The following NRAP variants were observed in gnomAD, a reference collection of about 807,000 sequenced individuals.
NRAP encodes nebulin related anchoring protein, also known as nebulin-related-anchoring protein.
NRAP carries 189 observed loss-of-function variants against 225.9 expected under a neutral mutation model. The ratio of observed to expected loss-of-function variants is 0.84; its 90% confidence interval spans 0.74 to 0.94. NRAP has a LOEUF of 0.94. Ranked by LOEUF, NRAP falls within the 40% of genes least tolerant of loss-of-function variation. The pLI, the probability that NRAP is intolerant of heterozygous loss-of-function variation, is 0.00. For missense variants in NRAP, 2,176 were observed against 2,168.7 expected, an observed-to-expected ratio of 1.00 and a Z score of -0.07; for synonymous variants, 769 against 790.7, an observed-to-expected ratio of 0.97 and a Z score of 0.46.
intron 14 of NRAP, among the ~76,000 whole-genome samples, chr10:113,636,868 G>A (rs908650118): frequency 7.2e-5 from 11 of 152,066 alleles, no homozygotes; most frequent in African/African-American, 1.7e-4. Flanking sequence ...TTAGCCGGGC[G>A]TGGTGGCTCG....
rs750744263 is a variant in NRAP, at chr10:113,614,961, T to A, written c.3079-15A>T. The A allele has an allele frequency of 3.4e-6, 5 of 1,482,576 alleles. No homozygotes were observed. Among genetic ancestry groups the A allele is most frequent in the Non-Finnish European group, 3.8e-6 (4 of 1,059,186 alleles). The allele number at this position is 1,482,576 out of a possible 1,614,324, so 91.8% of individuals were successfully genotyped here. On this transcript the variant is annotated splice_polypyrimidine_tract_variant and intron_variant, in intron 27 of 41. Coordinates refer to ENST00000359988, the MANE Select transcript of NRAP (RefSeq NM_198060.4). The stretch of plus-strand genomic sequence containing the variant: ...TTATAACGCGTCTGTCGGGAAGATG[T>A]GCACAAGGAAAGACCTTTAAGTGAC...
At chr10:113,589,436 G>A in intron 41 of NRAP, 1 of 603,868 alleles carries the variant, frequency 1.7e-6, no homozygotes, top group Non-Finnish European at 2.9e-6. Flanking sequence ...GTTTGCCTCT[G>A]CAGAACTAAT....
intron 9 of NRAP, 40 bp from the exon 10 acceptor site, chr10:113,647,067 C>T (rs1389023643): frequency 1.6e-6 from 2 of 1,272,704 alleles, no homozygotes; most frequent in African/African-American, 2.9e-5. Flanking sequence ...TAATGCTTCC[C>T]TCCCCAGATG....
intron 9 of NRAP, among the ~76,000 whole-genome samples, chr10:113,648,773 T>C (rs574378996): frequency 2.6e-5 from 4 of 152,250 alleles, no homozygotes; most frequent in Non-Finnish European, 4.4e-5. Flanking sequence ...ATTCTTGCAT[T>C]TGTTATTTTC....
At chr10:113,650,006 G>T in intron 9 of NRAP, 31 bp downstream of exon 9, 1 of 1,249,330 alleles carries the variant, frequency 8.0e-7, no homozygotes, top group Non-Finnish European at 1.2e-6. Context: ...ACATGGAAAA[G>T]AGCAGGTCAG....
In NRAP at chr10:113,620,737, A is replaced by G. The variant is rs77143036; in HGVS notation, c.2770-29T>C. 83 of 1,448,708 alleles carry G rather than the reference A, an allele frequency of 5.7e-5. No homozygotes were observed. In the African/African-American group the frequency reaches 6.9e-4, roughly 12 times the overall value. 89.7% of individuals were successfully genotyped at this position (1,448,708 alleles called of 1,614,324 possible). ...ACAAAGGAGAAAGAAAAAAAAAAAAAGCAGGCCATTGTTGGTGCACAGACA... is the reference window on the plus strand; with the variant it reads ...ACAAAGGAGAAAGAAAAAAAAAAAAGGCAGGCCATTGTTGGTGCACAGACA... On this transcript the variant is annotated intron_variant, in intron 24 of 41. Transcript: ENST00000359988.
chr10:113,598,797 A>AT (rs1479664842), intron 35 of NRAP, among the ~76,000 whole-genome samples: 5 of 152,162 alleles, frequency 3.3e-5, no homozygotes, highest in Non-Finnish European at 5.9e-5. Context: ...ACTCATTATG[A>AT]TTTGTTTATA....
At chr10:113,615,662 C>A (rs778105670) in intron 27 of NRAP, 50 bp downstream of exon 27, 2 of 1,017,164 alleles carry the variant, frequency 2.0e-6, no homozygotes, top group Non-Finnish European at 3.1e-6. Context: ...TGCCCATGAC[C>A]AGCCCCGCTC....
intron 3 of NRAP, among the ~76,000 whole-genome samples, chr10:113,660,051 AACACACAC>A (rs142938392): frequency 8.3e-5 from 12 of 144,332 alleles, no homozygotes; most frequent in Admixed American, 1.4e-4. Flanking sequence ...CTCAGTAGAC[AACACACAC>A]ACACACACAC....
rs1358756632 is a variant in NRAP at position 113,606,193 on chromosome 10, T to C, written c.3792A>G (p.Ala1264=). Residue 1264 remains alanine (A), a synonymous_variant, in exon 33 of 42, where the codon GCA becomes GCG. Transcript: ENST00000359988. The part of the protein sequence containing the change: ...LPEFIRAKTN[A]ANLSDARYKE... Reference sequence around the variant, plus strand: ...AAGGGCTTACGTCACTCAGGTTGGCTGCATTCGTTTTTGCTCGGATGAACT... The same window carrying C: ...AAGGGCTTACGTCACTCAGGTTGGCCGCATTCGTTTTTGCTCGGATGAACT... 1 of 1,613,480 alleles carries C rather than the reference T, an allele frequency of 6.2e-7. No homozygotes were observed. The highest frequency in any genetic ancestry group is 1.3e-5 in the African/African-American group (1 of 75,048).
chr10:113,597,205 T>C (rs1180105088), intron 36 of NRAP, 21 bp from the exon 37 acceptor site: 1 of 1,493,738 alleles, frequency 6.7e-7, no homozygotes, highest in Non-Finnish European at 9.3e-7. Context: ...AAGACAAAGA[T>C]TCTCATGAAA....
At chr10:113,592,594 C>T (rs1198507523) in intron 38 of NRAP, among the ~76,000 whole-genome samples, 2 of 152,114 alleles carry the variant, frequency 1.3e-5, no homozygotes, top group Non-Finnish European at 2.9e-5. Flanking sequence ...AGCCTCCACC[C>T]CACTCCTTCC....
chr10:113,590,723 G>A lies in NRAP; in HGVS notation c.4811C>T (p.Thr1604Ile). 3 of 1,614,236 alleles carry A rather than the reference G, an allele frequency of 1.9e-6. No individual in the cohort carries two copies. The highest frequency in any genetic ancestry group is 2.5e-6 in the Non-Finnish European group (3 of 1,180,050). The change falls in exon 40 of 42, where the codon ACA (threonine) becomes ATA (isoleucine). Residue 1604 changes from threonine to isoleucine, a missense_variant. This residue lies in a region of NRAP where 445 missense variants were observed against 426.1 expected (regional missense o/e 1.04). Coordinates refer to ENST00000359988, the MANE Select transcript of NRAP (RefSeq NM_198060.4). ...GGCCTGAAGGAGGCCGGGCTGGTCT[G>A]TGCTGCTGTGAAACTGGGACCGACT... ...AKSRSQFHSSTDQPGLLQAKR... is the reference protein window; with the variant it reads ...AKSRSQFHSSIDQPGLLQAKR...
At chr10:113,615,352 AGAG>A (rs1847589511) in intron 27 of NRAP, among the ~76,000 whole-genome samples, 1 of 152,184 alleles carries the variant, frequency 6.6e-6, no homozygotes, top group Non-Finnish European at 1.5e-5. Context: ...CAGATTTTGG[AGAG>A]GAGGAGTTAA....
intron 4 of NRAP, 65 bp downstream of exon 4, chr10:113,657,405 T>C (rs1252872963): frequency 4.8e-6 from 4 of 835,730 alleles, no homozygotes; most frequent in African/African-American, 1.7e-5. Context: ...ATAATAATAA[T>C]ACACTCAATT....
In NRAP at chr10:113,588,823, C is replaced by A. The variant is rs557463836; in HGVS notation, c.*152G>T. 8.9e-5 allele frequency: 59 copies of A among 660,548 alleles called. No individual in the cohort carries two copies. In the East Asian group the frequency reaches 1.4e-3, roughly 16 times the overall value. The allele number at this position is 660,548 out of a possible 1,614,324, so 40.9% of individuals were successfully genotyped here. On this transcript the variant is annotated 3_prime_UTR_variant, in exon 42 of 42. Transcript: ENST00000359988. Reference sequence around the variant, plus strand: ...CAGAGAGGACCACAAATACAACATTCTCCATCTGCTTTCAGAGTTATTATT... The same window carrying A: ...CAGAGAGGACCACAAATACAACATTATCCATCTGCTTTCAGAGTTATTATT...
At chr10:113,636,744 C>T (rs1053386271) in intron 14 of NRAP, among the ~76,000 whole-genome samples, 1 of 152,104 alleles carries the variant, frequency 6.6e-6, no homozygotes, top group Admixed American at 6.5e-5. Flanking sequence ...GGCAGTGGCT[C>T]ATGCCTGTAA....
At chr10:113,647,129 C>T (rs1037398746) in intron 9 of NRAP, 102 bp from the exon 10 acceptor site, 1 of 775,314 alleles carries the variant, frequency 1.3e-6, no homozygotes, top group Non-Finnish European at 2.3e-6. Context: ...AGAGGTTCAT[C>T]CACCTTGGGT....
At chr10:113,627,345 C>G (rs1848343039) in intron 20 of NRAP, among the ~76,000 whole-genome samples, 1 of 152,158 alleles carries the variant, frequency 6.6e-6, no homozygotes, top group African/African-American at 2.4e-5. Flanking sequence ...CCGTACAGAG[C>G]ACAGAAGGAA....
Sources: gnomAD v4.1 joint callset for allele counts (sites outside exome capture counted in the v4.1 genomes callset) on GRCh38, gnomAD v4.1.1 for gene constraint, gnomAD v4.1.1 regional missense constraint, MANE v1.5 for transcripts, NCBI Gene and HGNC (gene_info 2026-07-23, HGNC 2026-07-21) for gene names.